Variants in ASTN2 observed in about 807,000 individuals in gnomAD.
ASTN2 encodes the protein astrotactin 2, also known as astrotactin-2.
ASTN2 carries 54 observed loss-of-function variants against 139.8 expected under a neutral mutation model. The observed-to-expected ratio is 0.39, with a 90% CI of 0.31 to 0.48. The LOEUF is 0.48. Ranked by LOEUF, ASTN2 falls within the 20% of genes least tolerant of loss-of-function variation. The pLI is 0.95. For synonymous variants in ASTN2, 756 were observed against 719.5 expected (o/e 1.05, Z -0.81); for missense variants, 1,565 against 1,725.1 (o/e 0.91, Z 1.64).
chr9:117,002,177 C>T (rs914138846), intron 7 of ASTN2, among the ~76,000 whole-genome samples: 1 of 152,108 alleles, frequency 6.6e-6, no homozygotes, highest in African/African-American at 2.4e-5. Context: ...TGATCTCTGG[C>T]CCTAAGGAGT....
intron 7 of ASTN2, among the ~76,000 whole-genome samples, chr9:116,995,521 G>A (rs935189751): frequency 6.6e-6 from 1 of 152,132 alleles, no homozygotes. Context: ...AAAAAGCAGT[G>A]GATAATGCAG....
chr9:116,617,433 T>C (rs1855910977), intron 19 of ASTN2, among the ~76,000 whole-genome samples: 1 of 152,230 alleles, frequency 6.6e-6, no homozygotes, highest in Admixed American at 6.5e-5. Flanking sequence ...ATCTTTCCTC[T>C]TGGAGTTTAT....
At chr9:116,688,391 G>A (rs1860383070) in intron 16 of ASTN2, among the ~76,000 whole-genome samples, 1 of 151,990 alleles carries the variant, frequency 6.6e-6, no homozygotes, top group Admixed American at 6.6e-5. Context: ...TCCTTAAATC[G>A]CTGCATGGGA....
intron 11 of ASTN2, among the ~76,000 whole-genome samples, chr9:116,831,819 G>C (rs62563538): frequency 0.076 from 11,619 of 152,182 alleles, 565 homozygotes; most frequent in East Asian, 0.22. Context: ...CCGAGGTTTT[G>C]ATAGGAATTA....
intron 10 of ASTN2, among the ~76,000 whole-genome samples, chr9:116,951,347 A>G (rs1835555420): frequency 6.7e-6 from 1 of 149,158 alleles, no homozygotes; most frequent in Admixed American, 6.7e-5. Context: ...CAAAAAAAAA[A>G]AAAAAAAAAA....
chr9:116,450,241 A>C (rs1322892908), intron 20 of ASTN2, among the ~76,000 whole-genome samples: 1 of 152,290 alleles, frequency 6.6e-6, no homozygotes, highest in South Asian at 2.1e-4. Flanking sequence ...TCACACTACA[A>C]TGGCAGAATC....
intron 17 of ASTN2, among the ~76,000 whole-genome samples, chr9:116,634,365 C>A (rs58207453): frequency 2.0e-5 from 3 of 151,570 alleles, no homozygotes; most frequent in East Asian, 2.0e-4. Flanking sequence ...CCGAGGCGGG[C>A]GGATCACGAG....
chr9:116,762,888 C>T (rs1442669935), intron 13 of ASTN2, among the ~76,000 whole-genome samples: 1 of 152,196 alleles, frequency 6.6e-6, no homozygotes, highest in African/African-American at 2.4e-5. Flanking sequence ...GACATATTGA[C>T]TTATTTGATT....
At chr9:117,413,138 G>A (rs1356501367) in intron 1 of ASTN2, among the ~76,000 whole-genome samples, 3 of 152,238 alleles carry the variant, frequency 2.0e-5, no homozygotes, top group Non-Finnish European at 2.9e-5. Flanking sequence ...AGAACCACTG[G>A]CACTCGCTCA....
chr9:116,821,222 A>C (rs188454634), intron 11 of ASTN2, among the ~76,000 whole-genome samples: 21 of 152,288 alleles, frequency 1.4e-4, no homozygotes, highest in Admixed American at 3.3e-4. Flanking sequence ...TACCAGTATG[A>C]GTGTAATTTC....
At chr9:117,189,452 C>T (rs1396410550) in intron 3 of ASTN2, among the ~76,000 whole-genome samples, 1 of 152,164 alleles carries the variant, frequency 6.6e-6, no homozygotes, top group Non-Finnish European at 1.5e-5. Flanking sequence ...GCTGCATCCC[C>T]CATACACCCA....
At chr9:116,506,818 G>A (rs1386397144) in intron 19 of ASTN2, among the ~76,000 whole-genome samples, 1 of 152,152 alleles carries the variant, frequency 6.6e-6, no homozygotes, top group African/African-American at 2.4e-5. Flanking sequence ...GGGAGGGAGC[G>A]ACTTACTGAC....
intron 10 of ASTN2, among the ~76,000 whole-genome samples, chr9:116,932,396 C>A (rs750517179): frequency 2.6e-5 from 4 of 152,156 alleles, no homozygotes; most frequent in Non-Finnish European, 5.9e-5. Flanking sequence ...TTTTTGGCTT[C>A]CACATTTCCT....
At chr9:117,015,805 T>C (rs1352813340) in intron 6 of ASTN2, among the ~76,000 whole-genome samples, 1 of 152,170 alleles carries the variant, frequency 6.6e-6, no homozygotes, top group Non-Finnish European at 1.5e-5. Flanking sequence ...GCAACTTGGT[T>C]AAGATTGGGG....
intron 13 of ASTN2, among the ~76,000 whole-genome samples, chr9:116,769,169 G>A (rs1445402267): frequency 6.6e-6 from 1 of 152,158 alleles, no homozygotes; most frequent in African/African-American, 2.4e-5. Context: ...ATCTAAAGAG[G>A]CAAAAGAAAA....
chr9:116,799,081 C>T lies in ASTN2; in HGVS notation c.2396+6551G>A, dbSNP rs899113460. On this transcript the variant is annotated intron_variant, in intron 13 of 22. Transcript: ENST00000313400. ...AAAAATGTACACACCATTAAAGGGG[C>T]GGGGGGAGGGAAAGAGGTGGAAGGG... Among the ~76,000 whole-genome samples, 12 of 95,596 alleles carry T rather than the reference C, an allele frequency of 1.3e-4. No homozygotes were observed. The Admixed American group carries it at 1.4e-3, about 11-fold the overall frequency. The allele number at this position is 95,596 out of a possible 152,430, so 62.7% of individuals were successfully genotyped here.
Position 117,414,821 on chromosome 9 carries a change from G to A in ASTN2, c.118C>T (p.Leu40Phe), listed in dbSNP as rs1412041885. Reference protein sequence around the residue: ...PLLPLLLLFLLLLPPPPLLAG... With the variant: ...PLLPLLLLFLFLLPPPPLLAG... ...AGCAGCGGCGGCGGCGGCAGCAGGA[G>A]CAGGAACAGCAGCAGCAGCGGCAGC... The change falls in exon 1 of 23, where the codon CTC (leucine) becomes TTC (phenylalanine). Residue 40 changes from leucine (L) to phenylalanine (F), a missense_variant. Physicochemically the swap from Leu to Phe is conservative, Grantham distance 22 (BLOSUM62 0). This residue lies in a region of ASTN2 where 596 missense variants were observed against 576.8 expected (regional missense o/e 1.03). Coordinates refer to ENST00000313400, the MANE Select transcript of ASTN2 (RefSeq NM_001365068.1). This position sits in a 1 kb window ranked among gnomAD's most constrained non-coding sequence, Gnocchi z 4.2. The A allele has an allele frequency of 4.0e-5, 48 of 1,201,230 alleles. No homozygotes were observed. Among genetic ancestry groups the A allele is most frequent in the Non-Finnish European group, 4.9e-5 (47 of 966,872 alleles). The allele number at this position is 1,201,230 out of a possible 1,614,324, so 74.4% of individuals were successfully genotyped here. A position where few individuals can be genotyped will look rare whatever the true frequency, so the allele number is the denominator to read the frequency against.
chr9:117,401,454 A>G (rs1261648521), intron 1 of ASTN2, among the ~76,000 whole-genome samples: 3 of 152,202 alleles, frequency 2.0e-5, no homozygotes, highest in Non-Finnish European at 4.4e-5. Context: ...TCAGAGAAAA[A>G]GGCAAATTAT....
At chr9:116,838,653 G>A (rs535492367) in intron 11 of ASTN2, among the ~76,000 whole-genome samples, 149 of 145,106 alleles carry the variant, frequency 1.0e-3, no homozygotes, top group Non-Finnish European at 2.0e-3. Flanking sequence ...TCGAACTCCT[G>A]ACCTCAGGTG....
Sources: allele counts gnomAD v4.1 joint callset (sites outside exome capture counted in the v4.1 genomes callset), GRCh38; gene constraint gnomAD v4.1.1; regional missense constraint gnomAD v4.1.1; non-coding constraint Gnocchi (gnomAD v3.1); transcripts MANE v1.5; gene names NCBI Gene and HGNC (gene_info 2026-07-23, HGNC 2026-07-21).